SNTG1: variants seen among roughly 807,000 people sequenced by gnomAD.
SNTG1 encodes the protein gamma-1-syntrophin.
A neutral mutation model predicts 74.7 loss-of-function variants in SNTG1; 39 were observed. That is an observed-to-expected ratio of 0.52 (90% CI 0.40 to 0.68). The LOEUF is 0.68. Ranked by LOEUF, SNTG1 falls within the 30% of genes least tolerant of loss-of-function variation. SNTG1 has a pLI of 0.00. For synonymous variants in SNTG1, 254 were observed against 217.1 expected (o/e 1.17, Z -1.49); for missense variants, 685 against 609.5 (o/e 1.12, Z -1.30).
chr8:50,259,131 A>T (rs2087029281), intron 2 of SNTG1, among the ~76,000 whole-genome samples: 1 of 152,176 alleles, frequency 6.6e-6, no homozygotes, highest in African/African-American at 2.4e-5. Flanking sequence ...AAGTCAGCGT[A>T]ATGACATATT....
At chr8:50,148,517 C>T (rs889218122) in intron 1 of SNTG1, among the ~76,000 whole-genome samples, 3 of 152,168 alleles carry the variant, frequency 2.0e-5, no homozygotes, top group African/African-American at 7.2e-5. Flanking sequence ...ATTAACTCAT[C>T]ATTTACATTA....
intron 2 of SNTG1, among the ~76,000 whole-genome samples, chr8:50,308,868 C>T (rs1363504053): frequency 6.6e-6 from 1 of 151,992 alleles, no homozygotes; most frequent in East Asian, 1.9e-4. Flanking sequence ...CAAATGATTT[C>T]CAGAGCTAGA....
chr8:50,386,035 C>T (rs988015909), intron 2 of SNTG1, among the ~76,000 whole-genome samples: 1 of 152,276 alleles, frequency 6.6e-6, no homozygotes, highest in Non-Finnish European at 1.5e-5. Context: ...TGCTATTTTA[C>T]TTGCAAAGGT....
intron 1 of SNTG1, among the ~76,000 whole-genome samples, chr8:49,931,745 A>T (rs938192432): frequency 2.0e-5 from 3 of 152,208 alleles, no homozygotes; most frequent in Admixed American, 2.0e-4. Flanking sequence ...AATATGAATG[A>T]ATGTCGCAAT....
chr8:50,187,984 A>G (rs1279819579), intron 2 of SNTG1, among the ~76,000 whole-genome samples: 1 of 152,146 alleles, frequency 6.6e-6, no homozygotes, highest in Non-Finnish European at 1.5e-5. Context: ...CATATTATCC[A>G]TCACTGCCAC....
intron 2 of SNTG1, among the ~76,000 whole-genome samples, chr8:50,319,269 C>G (rs1285206810): frequency 6.6e-6 from 1 of 152,050 alleles, no homozygotes; most frequent in Non-Finnish European, 1.5e-5. Flanking sequence ...GAGGCTGAGG[C>G]AGGAGAATCG....
At chr8:50,068,485 G>A (rs1459055915) in intron 1 of SNTG1, among the ~76,000 whole-genome samples, 4 of 152,116 alleles carry the variant, frequency 2.6e-5, no homozygotes, top group Non-Finnish European at 4.4e-5. Context: ...CAGACTCAGG[G>A]AGCTGGGCTT....
intron 2 of SNTG1, among the ~76,000 whole-genome samples, chr8:50,179,634 C>A (rs181833227): frequency 1.3e-5 from 2 of 152,050 alleles, no homozygotes; most frequent in African/African-American, 4.8e-5. Context: ...TATGAATAGA[C>A]GTTTTTCGAA....
intron 2 of SNTG1, among the ~76,000 whole-genome samples, chr8:50,289,955 T>C (rs181812407): frequency 1.3e-5 from 2 of 152,266 alleles, no homozygotes; most frequent in Admixed American, 1.3e-4. Flanking sequence ...CAGAATTTGA[T>C]TGGGCATCTG....
chr8:50,203,542 A>AT (rs1489288907), intron 2 of SNTG1, among the ~76,000 whole-genome samples: 20 of 151,842 alleles, frequency 1.3e-4, no homozygotes, highest in African/African-American at 2.9e-4. Context: ...AACATATTGT[A>AT]TTTTTTTTAA....
chr8:50,494,746 CTCTT>C (rs1449111411), intron 8 of SNTG1, among the ~76,000 whole-genome samples: 5 of 152,034 alleles, frequency 3.3e-5, no homozygotes, highest in African/African-American at 1.2e-4. Context: ...AATGATATGT[CTCTT>C]TATACACTTT....
intron 1 of SNTG1, among the ~76,000 whole-genome samples, chr8:49,949,537 T>C (rs1243931683): frequency 2.0e-5 from 3 of 152,212 alleles, no homozygotes; most frequent in Non-Finnish European, 2.9e-5. Context: ...GAGTGAACTT[T>C]ATTAATTCCT....
At chr8:50,577,685 G>A (rs918411643) in intron 12 of SNTG1, among the ~76,000 whole-genome samples, 1 of 152,116 alleles carries the variant, frequency 6.6e-6, no homozygotes, top group Non-Finnish European at 1.5e-5. Flanking sequence ...AAGCAAGAAT[G>A]TGTCAAATCT....
chr8:50,762,829 T>C, intron 18 of SNTG1: 1 of 402,874 alleles, frequency 2.5e-6, no homozygotes, highest in Non-Finnish European at 5.0e-6. Flanking sequence ...TCTTGAGCAA[T>C]GAAGGTTCCT....
chr8:50,604,996 G>T (rs2094802898), intron 13 of SNTG1, among the ~76,000 whole-genome samples: 1 of 152,128 alleles, frequency 6.6e-6, no homozygotes, highest in South Asian at 2.1e-4. Context: ...TCCCTTCAAG[G>T]CAGTGGGTTT....
intron 1 of SNTG1, among the ~76,000 whole-genome samples, chr8:49,914,206 C>A (rs186741580): frequency 6.6e-6 from 1 of 152,182 alleles, no homozygotes; most frequent in African/African-American, 2.4e-5. Context: ...CATTATTGCA[C>A]AGAATCACTT....
At chr8:50,204,333 A>G (rs114860178) in intron 2 of SNTG1, among the ~76,000 whole-genome samples, 2,564 of 152,208 alleles carry the variant, frequency 0.017, 64 homozygotes, top group African/African-American at 0.052. Flanking sequence ...AATGAATTGT[A>G]GTCAACACTC....
intron 2 of SNTG1, among the ~76,000 whole-genome samples, chr8:50,381,747 T>C: frequency 7.1e-6 from 1 of 140,554 alleles, no homozygotes; most frequent in East Asian, 2.0e-4. Flanking sequence ...TATATATATA[T>C]AGGATATATA....
At chr8:50,469,458 A>G (rs531401767) in intron 8 of SNTG1, among the ~76,000 whole-genome samples, 1 of 152,184 alleles carries the variant, frequency 6.6e-6, no homozygotes, top group Admixed American at 6.5e-5. Context: ...GAGGCTTCCC[A>G]GCATAGAAAA....
Sources: allele counts gnomAD v4.1 joint callset (sites outside exome capture counted in the v4.1 genomes callset), GRCh38; gene constraint gnomAD v4.1.1; transcripts MANE v1.5; gene names NCBI Gene and HGNC (gene_info 2026-07-23, HGNC 2026-07-21).